HECTD4: variants seen among roughly 807,000 people sequenced by gnomAD.
HECTD4 encodes the protein HECT domain E3 ubiquitin protein ligase 4, also known as probable E3 ubiquitin-protein ligase HECTD4.
In HECTD4, 114 loss-of-function variants were observed where a neutral mutation model predicts 471.5. The observed-to-expected ratio is 0.24, with a 90% CI of 0.21 to 0.28. The LOEUF (loss-of-function observed/expected upper bound fraction) is 0.28. Ranked by LOEUF, HECTD4 falls within the 10% of genes least tolerant of loss-of-function variation. The pLI, the probability that HECTD4 is intolerant of heterozygous loss-of-function variation, is 1.00. For synonymous variants in HECTD4, 2,012 were observed against 2,256.0 expected, an observed-to-expected ratio of 0.89 and a Z score of 3.07; for missense variants, 3,866 against 5,651.5, an observed-to-expected ratio of 0.68 and a Z score of 10.13.
At chr12:112,368,606 C>T (rs1022745387) in intron 1 of HECTD4, among the ~76,000 whole-genome samples, 1 of 152,040 alleles carries the variant, frequency 6.6e-6, no homozygotes, top group Non-Finnish European at 1.5e-5. Context: ...TCAAAATGTT[C>T]CCAGTAAGTA....
At chr12:112,227,420 AC>A (rs1001434123) in intron 43 of HECTD4, among the ~76,000 whole-genome samples, 4 of 152,076 alleles carry the variant, frequency 2.6e-5, no homozygotes, top group African/African-American at 9.6e-5. Context: ...AGATCATGCC[AC>A]TGCACTCCAG....
At chr12:112,186,587 C>T (rs1198015758) in intron 60 of HECTD4, among the ~76,000 whole-genome samples, 1 of 151,682 alleles carries the variant, frequency 6.6e-6, no homozygotes, top group Non-Finnish European at 1.5e-5. Flanking sequence ...GATCCACCCG[C>T]CTCAGTCTCC....
Position 112,251,102 on chromosome 12 carries a change from G to A in HECTD4, c.3585C>T (p.Pro1195=), listed in dbSNP as rs769122413. The A allele has an allele frequency of 6.2e-6, 10 of 1,613,848 alleles. No individual in the cohort carries two copies. In the East Asian group the frequency reaches 2.2e-4, roughly 36 times the overall value. Residue 1195 remains proline (P), a synonymous_variant, in exon 24 of 76, where the codon CCC becomes CCT. Transcript: ENST00000682272. ...ESSEDVSGGL[P]FLVDLALGLS... ...GACCTAAAGCCAGGTCTACCAGAAA[G>A]GGCAAGCCTCCTGAGACATCCTCCG... is the stretch of plus-strand genomic sequence containing the variant.
intron 1 of HECTD4, among the ~76,000 whole-genome samples, chr12:112,341,687 T>G (rs545230138): frequency 7.2e-5 from 11 of 152,316 alleles, no homozygotes; most frequent in African/African-American, 2.6e-4. Context: ...TCAGAAAAAC[T>G]AACCGACTAG....
At chr12:112,266,812 A>C (rs1434216576) in intron 14 of HECTD4, 100 bp downstream of exon 14, 1 of 715,230 alleles carries the variant, frequency 1.4e-6, no homozygotes, top group Non-Finnish European at 2.5e-6. Flanking sequence ...ATGCTGACTA[A>C]CATACATGAA....
At chr12:112,320,798 A>G (rs1566110799) in intron 1 of HECTD4, among the ~76,000 whole-genome samples, 1 of 152,102 alleles carries the variant, frequency 6.6e-6, no homozygotes, top group Non-Finnish European at 1.5e-5. Context: ...CCTAATATAT[A>G]TATGTTTAAT....
intron 17 of HECTD4, among the ~76,000 whole-genome samples, chr12:112,263,269 T>C (rs1283619123): frequency 6.6e-6 from 1 of 152,218 alleles, no homozygotes; most frequent in Non-Finnish European, 1.5e-5. Context: ...ATTTAAATAG[T>C]ATATATGCAT....
At position 112,192,543 on chromosome 12, in the gene HECTD4, AG is replaced by A; in HGVS notation, c.9292+16del. 6.6e-7 allele frequency: 1 copy of A among 1,517,650 alleles called. No individual in the cohort carries two copies. The highest frequency in any genetic ancestry group is 1.3e-5 in the South Asian group (1 of 76,008). The allele number at this position is 1,517,650 out of a possible 1,614,324, so 94.0% of individuals were successfully genotyped here. The stretch of plus-strand genomic sequence containing the variant: ...GACTCCAGCTGTTCTCATCATGACA[AG>A]CTGCTGGAGACTCACCCAGTTTGAT... On this transcript the variant is annotated intron_variant, in intron 59 of 75. Transcript: ENST00000682272.
In HECTD4 at chr12:112,203,718, A is replaced by G. The variant is rs1228636923; in HGVS notation, c.8324T>C (p.Val2775Ala). The part of the protein sequence containing the change: ...PDSNNVASSA[V>A]GTALPKFAIR... ...GGCAAATTTTGGCAGAGCAGTTCCAACAGCACTGCTGGCTACATTATTGCT... is the reference window on the plus strand; with the variant it reads ...GGCAAATTTTGGCAGAGCAGTTCCAGCAGCACTGCTGGCTACATTATTGCT... The change falls in exon 54 of 76, where the codon GTT (valine) becomes GCT (alanine). Residue 2775 changes from valine to alanine, a missense_variant. Coordinates refer to ENST00000682272, the MANE Select transcript of HECTD4 (RefSeq NM_001388303.1). The G allele has an allele frequency of 6.2e-7, 1 of 1,612,106 alleles. No homozygotes were observed. Among genetic ancestry groups the G allele is most frequent in the Non-Finnish European group, 8.5e-7 (1 of 1,178,640 alleles).
At chr12:112,182,473 C>T (rs751197763) in intron 62 of HECTD4, among the ~76,000 whole-genome samples, 7 of 151,596 alleles carry the variant, frequency 4.6e-5, no homozygotes, top group East Asian at 1.9e-4. Context: ...AATGGGACTT[C>T]GGAGAAAAAA....
chr12:112,291,581 A>G (rs921914853), intron 7 of HECTD4, among the ~76,000 whole-genome samples: 1 of 152,108 alleles, frequency 6.6e-6, no homozygotes, highest in Admixed American at 6.6e-5. Flanking sequence ...TTTAAAAAAA[A>G]AGAAAAAAGA....
intron 3 of HECTD4, among the ~76,000 whole-genome samples, 170 bp downstream of exon 3, chr12:112,314,286 CA>C (rs2035436272): frequency 6.6e-6 from 1 of 151,974 alleles, no homozygotes; most frequent in African/African-American, 2.4e-5. Context: ...AAAAACTTTC[CA>C]AAAAGGAAAG....
At chr12:112,197,901 C>A (rs1186396446) in intron 55 of HECTD4, among the ~76,000 whole-genome samples, 1 of 152,198 alleles carries the variant, frequency 6.6e-6, no homozygotes, top group Admixed American at 6.5e-5. Flanking sequence ...AGCTTAGGCA[C>A]TGGGGACTCT....
chr12:112,176,699 C>T lies in HECTD4; in HGVS notation c.11367G>A (p.Arg3789=). The stretch of plus-strand genomic sequence containing the variant: ...TTGGCTTCTTCTCACTTAAGGCAGT[C>T]CTGCTGTAGACCAAAGCACTGGAAT... The part of the protein sequence containing the change: ...KDKAVLNSVS[R]TALSEKKPTV... Residue 3789 remains arginine (R), a synonymous_variant, in exon 65 of 76, where the codon AGG becomes AGA. Coordinates refer to ENST00000682272, the MANE Select transcript of HECTD4 (RefSeq NM_001388303.1). The T allele has an allele frequency of 6.2e-7, 1 of 1,611,176 alleles. No individual in the cohort carries two copies. The highest frequency in any genetic ancestry group is 8.5e-7 in the Non-Finnish European group (1 of 1,177,360).
At chr12:112,225,973 G>A (rs957610721) in intron 44 of HECTD4, among the ~76,000 whole-genome samples, 9 of 152,106 alleles carry the variant, frequency 5.9e-5, no homozygotes, top group Admixed American at 3.9e-4. Context: ...AATTTAGATA[G>A]GTGATAATGG....
chr12:112,314,500 G>T lies in HECTD4; in HGVS notation c.742C>A (p.Gln248Lys). 6.5e-7 allele frequency: 1 copy of T among 1,532,830 alleles called. No homozygotes were observed. The highest frequency in any genetic ancestry group is 8.7e-7 in the Non-Finnish European group (1 of 1,143,962). The allele number at this position is 1,532,830 out of a possible 1,614,324, so 95.0% of individuals were successfully genotyped here. Residue 248 changes from glutamine (Q) to lysine (K), a missense_variant, in exon 3 of 76, where the codon CAG becomes AAG. Gln to Lys is a moderately conservative substitution (Grantham distance 53). Around this residue, in one of 16 missense-constraint regions of HECTD4, gnomAD observed 440 missense variants for 636.0 expected, o/e 0.69. Transcript: ENST00000682272. ...ACAGGCAGGGACCCTAGATCCGTCT[G>T]TTTCTGTAATAGATGGACTGTGTGG... ...FVHTVHLLQKQTDLGSLPVAD... is the reference protein window; with the variant it reads ...FVHTVHLLQKKTDLGSLPVAD...
At chr12:112,164,377 A>G in intron 72 of HECTD4, 102 bp from the exon 73 acceptor site, 1 of 1,266,184 alleles carries the variant, frequency 7.9e-7, no homozygotes, top group Non-Finnish European at 1.1e-6. Context: ...GGTGGGGTCT[A>G]CCCTCGGCCG....
intron 54 of HECTD4, among the ~76,000 whole-genome samples, chr12:112,201,673 G>C (rs2032434680): frequency 1.3e-5 from 2 of 151,978 alleles, no homozygotes; most frequent in Admixed American, 6.6e-5. Context: ...ATACCAGATG[G>C]AAAATTTTTA....
intron 1 of HECTD4, among the ~76,000 whole-genome samples, chr12:112,332,700 T>C (rs1450176719): frequency 6.6e-6 from 1 of 151,948 alleles, no homozygotes; most frequent in Admixed American, 6.6e-5. Flanking sequence ...AGATTTGTTG[T>C]AACATAATTC....
Sources: allele counts gnomAD v4.1 joint callset (sites outside exome capture counted in the v4.1 genomes callset), GRCh38; gene constraint gnomAD v4.1.1; regional missense constraint gnomAD v4.1.1; transcripts MANE v1.5; gene names NCBI Gene and HGNC (gene_info 2026-07-23, HGNC 2026-07-21).